Variants in CFAP77 observed in about 807,000 individuals in gnomAD.
The protein encoded by CFAP77 is cilia- and flagella-associated protein 77.
In CFAP77, 25 loss-of-function variants were observed where a neutral mutation model predicts 31.1. That is an observed-to-expected ratio of 0.80 (90% CI 0.59 to 1.12). CFAP77 has a LOEUF of 1.12. Ranked by LOEUF, CFAP77 falls within the 50% of genes most tolerant of loss-of-function variation. The pLI is 0.00. For missense variants in CFAP77, 377 were observed against 397.3 expected (o/e 0.95, Z 0.44); for synonymous variants, 151 against 159.9 (o/e 0.94, Z 0.42).
intron 3 of CFAP77, among the ~76,000 whole-genome samples, chr9:132,512,614 T>C (rs747590319): frequency 6.6e-6 from 1 of 152,198 alleles, no homozygotes; most frequent in Non-Finnish European, 1.5e-5. Context: ...CCTTATGTTT[T>C]TGTGAAAAAT....
intron 1 of CFAP77, among the ~76,000 whole-genome samples, chr9:132,467,489 G>A (rs143635688): frequency 1.1e-4 from 16 of 152,240 alleles, no homozygotes; most frequent in African/African-American, 3.6e-4. Flanking sequence ...GCACACTGCC[G>A]TGAAGGTCCA....
chr9:132,537,738 C>T (rs1214381290), intron 4 of CFAP77, 32 bp downstream of exon 4: 12 of 1,536,682 alleles, frequency 7.8e-6, no homozygotes, highest in Non-Finnish European at 1.1e-5. Flanking sequence ...AAGTTGACAG[C>T]TGATGGGGTG....
intron 1 of CFAP77, among the ~76,000 whole-genome samples, chr9:132,486,322 G>A (rs1309908173): frequency 1.3e-5 from 2 of 151,226 alleles, no homozygotes; most frequent in Non-Finnish European, 2.9e-5. Context: ...TCGATCTCCA[G>A]ACCTCGTGAT....
intron 1 of CFAP77, among the ~76,000 whole-genome samples, chr9:132,463,103 A>G (rs1015327221): frequency 6.6e-6 from 1 of 152,060 alleles, no homozygotes; most frequent in Admixed American, 6.6e-5. Flanking sequence ...CAAATAGAGG[A>G]GGAAAGGGTG....
rs1236020501 is a variant in CFAP77, at chr9:132,572,479, C to T, written c.824C>T (p.Thr275Ile). 1 of 1,609,268 alleles carries T rather than the reference C, an allele frequency of 6.2e-7. No individual in the cohort carries two copies. The highest frequency in any genetic ancestry group is 8.5e-7 in the Non-Finnish European group (1 of 1,179,898). Residue 275 changes from threonine (T) to isoleucine (I), a missense_variant, in exon 6 of 6, where the codon ACC (threonine) becomes ATC (isoleucine). Transcript: ENST00000393216. ...GAAGAGTGTGCCGTGCGCCAGGGGACCCTGCGGATGGGCAACTACACCCAC... is the reference window on the plus strand; with the variant it reads ...GAAGAGTGTGCCGTGCGCCAGGGGATCCTGCGGATGGGCAACTACACCCAC... ...HREECAVRQG[T>I]LRMGNYTHP is the part of the protein sequence containing the mutation.
At chr9:132,544,985 A>G (rs1046453628) in intron 5 of CFAP77, among the ~76,000 whole-genome samples, 1 of 152,188 alleles carries the variant, frequency 6.6e-6, no homozygotes, top group South Asian at 2.1e-4. Flanking sequence ...CAGGAGGCTC[A>G]GGTGTTCTCC....
At position 132,572,713 on chromosome 9, in the gene CFAP77, G is replaced by C; in HGVS notation, c.*203G>C. The C allele has an allele frequency of 3.5e-6, 2 of 573,034 alleles. No homozygotes were observed. The highest frequency in any genetic ancestry group is 4.6e-5 in the South Asian group (2 of 43,946). The allele number at this position is 573,034 out of a possible 1,614,324, so 35.5% of individuals were successfully genotyped here. On this transcript the variant is annotated 3_prime_UTR_variant, in exon 6 of 6. Coordinates refer to ENST00000393216, the MANE Select transcript of CFAP77 (RefSeq NM_001282957.2). ...CAACATTAGTCTCCACTTAGCCCCAGTGACCCTCTACCTGGAGCCTCCTCC... is the reference window on the plus strand; with the variant it reads ...CAACATTAGTCTCCACTTAGCCCCACTGACCCTCTACCTGGAGCCTCCTCC...
intron 1 of CFAP77, among the ~76,000 whole-genome samples, chr9:132,421,130 C>A (rs369898268): frequency 6.6e-6 from 1 of 151,888 alleles, no homozygotes; most frequent in African/African-American, 2.4e-5. Context: ...GCCTCAGCCT[C>A]CCAAGTAGCT....
intron 1 of CFAP77, among the ~76,000 whole-genome samples, chr9:132,448,839 G>A (rs569682062): frequency 3.9e-5 from 6 of 152,180 alleles, no homozygotes; most frequent in East Asian, 1.9e-4. Context: ...CACCCACCTC[G>A]GCCTCCCAAA....
chr9:132,453,513 G>A (rs921203173), intron 1 of CFAP77, among the ~76,000 whole-genome samples: 1 of 152,230 alleles, frequency 6.6e-6, no homozygotes, highest in African/African-American at 2.4e-5. Context: ...GCGACAGAGC[G>A]AGACTCCGTC....
intron 1 of CFAP77, among the ~76,000 whole-genome samples, chr9:132,448,679 C>A (rs1850768921): frequency 6.6e-6 from 1 of 152,170 alleles, no homozygotes; most frequent in Non-Finnish European, 1.5e-5. Flanking sequence ...CTCCACCTCC[C>A]AGGTTCAAGC....
chr9:132,560,244 C>T (rs1159046067), intron 5 of CFAP77, among the ~76,000 whole-genome samples: 1 of 152,188 alleles, frequency 6.6e-6, no homozygotes, highest in Non-Finnish European at 1.5e-5. Context: ...CGCCTAGATT[C>T]TGACTTTAGG....
chr9:132,513,296 A>G (rs778921624), intron 3 of CFAP77: 28 of 1,549,670 alleles, frequency 1.8e-5, no homozygotes, highest in East Asian at 2.4e-5. Flanking sequence ...CAGAAGCAAC[A>G]TAACTAACTC....
intron 3 of CFAP77, among the ~76,000 whole-genome samples, chr9:132,502,234 C>G (rs1386867376): frequency 6.9e-6 from 1 of 145,214 alleles, no homozygotes; most frequent in Admixed American, 6.9e-5. Context: ...TAGGTGCCTT[C>G]CTTTGACTGT....
chr9:132,447,626 A>G (rs1429790200), intron 1 of CFAP77, among the ~76,000 whole-genome samples: 1 of 152,246 alleles, frequency 6.6e-6, no homozygotes, highest in Non-Finnish European at 1.5e-5. Flanking sequence ...GGTTACACAC[A>G]GCGTGTCCGC....
intron 1 of CFAP77, among the ~76,000 whole-genome samples, chr9:132,488,649 G>A (rs1054926789): frequency 2.0e-5 from 3 of 152,222 alleles, no homozygotes; most frequent in Admixed American, 6.5e-5. Flanking sequence ...GCAACAGCCT[G>A]TGGGAAATGC....
At chr9:132,438,468 T>G (rs1268377356) in intron 1 of CFAP77, among the ~76,000 whole-genome samples, 1 of 148,560 alleles carries the variant, frequency 6.7e-6, no homozygotes, top group Non-Finnish European at 1.5e-5. Context: ...ACATAAAAAT[T>G]TCCAAGATAA....
At chr9:132,519,821 TG>T (rs1852236392) in intron 3 of CFAP77, among the ~76,000 whole-genome samples, 1 of 29,030 alleles carries the variant, frequency 3.4e-5, no homozygotes, top group Non-Finnish European at 5.8e-5. Context: ...GGTGGATGGA[TG>T]GATGGATGGA....
intron 1 of CFAP77, among the ~76,000 whole-genome samples, chr9:132,486,035 T>C: frequency 2.0e-5 from 1 of 49,444 alleles, no homozygotes; most frequent in Non-Finnish European, 3.3e-5. Context: ...TATATATATA[T>C]ATATATGTAT....
Sources: gnomAD v4.1 joint callset for allele counts (sites outside exome capture counted in the v4.1 genomes callset) on GRCh38, gnomAD v4.1.1 for gene constraint, MANE v1.5 for transcripts, NCBI Gene and HGNC (gene_info 2026-07-23, HGNC 2026-07-21) for gene names.